KCNT2: variants seen among roughly 807,000 people sequenced by gnomAD.
KCNT2 encodes the protein potassium sodium-activated channel subfamily T member 2.
Under a neutral mutation model 153.8 loss-of-function variants are expected in KCNT2, and 67 were observed. That is an observed-to-expected ratio of 0.44 (90% confidence interval 0.36 to 0.53). KCNT2 has a LOEUF of 0.53. KCNT2 is among the 20% of genes least tolerant of loss of function. The probability of loss-of-function intolerance (pLI) is 0.00; values close to 1 mark genes in which losing one functional copy is unlikely to be tolerated. For missense variants in KCNT2, 975 were observed against 1,354.8 expected, an observed-to-expected ratio of 0.72 and a Z score of 4.40; for synonymous variants, 500 against 458.8, an observed-to-expected ratio of 1.09 and a Z score of -1.15.
At chr1:196,248,022 A>G (rs1446344752) in intron 26 of KCNT2, among the ~76,000 whole-genome samples, 1 of 152,208 alleles carries the variant, frequency 6.6e-6, no homozygotes, top group Non-Finnish European at 1.5e-5. Context: ...ACACGTGGAA[A>G]TTAAACAGTA....
chr1:196,575,073 G>C (rs1048180363), intron 1 of KCNT2, among the ~76,000 whole-genome samples: 1 of 152,068 alleles, frequency 6.6e-6, no homozygotes, highest in African/African-American at 2.4e-5. Context: ...TAAAGGGAGA[G>C]TTTTAGAAGT....
chr1:196,597,807 A>G (rs1421885781), intron 1 of KCNT2, among the ~76,000 whole-genome samples: 1 of 152,170 alleles, frequency 6.6e-6, no homozygotes, highest in Non-Finnish European at 1.5e-5. Flanking sequence ...CTATTGCATG[A>G]ATTTCTGTGA....
chr1:196,419,665 AT>A (rs1673039953), intron 12 of KCNT2, among the ~76,000 whole-genome samples: 1 of 152,008 alleles, frequency 6.6e-6, no homozygotes, highest in South Asian at 2.1e-4. Context: ...AGGATACAAA[AT>A]TCTAAGTGAA....
chr1:196,597,573 T>C (rs1558121893), intron 1 of KCNT2, among the ~76,000 whole-genome samples: 1 of 152,152 alleles, frequency 6.6e-6, no homozygotes, highest in African/African-American at 2.4e-5. Context: ...ATAAATTTTC[T>C]TTAAATTTGA....
intron 25 of KCNT2, among the ~76,000 whole-genome samples, chr1:196,279,618 T>C (rs1347554126): frequency 2.0e-5 from 3 of 150,414 alleles, no homozygotes; most frequent in African/African-American, 7.4e-5. Context: ...TTAGTAGAAA[T>C]GGGGTTTCAC....
intron 25 of KCNT2, among the ~76,000 whole-genome samples, chr1:196,264,708 C>G (rs543232045): frequency 3.3e-4 from 50 of 152,258 alleles, no homozygotes; most frequent in Non-Finnish European, 5.7e-4. Context: ...TCTCTGCTCA[C>G]TGCAACCTCC....
intron 22 of KCNT2, among the ~76,000 whole-genome samples, chr1:196,302,103 T>C (rs1230860802): frequency 2.0e-5 from 3 of 152,152 alleles, no homozygotes; most frequent in Non-Finnish European, 4.4e-5. Context: ...TGCAAGGGCA[T>C]CTACTTATAG....
At chr1:196,370,084 G>A (rs1410368654) in intron 14 of KCNT2, among the ~76,000 whole-genome samples, 1 of 152,068 alleles carries the variant, frequency 6.6e-6, no homozygotes. Flanking sequence ...GTGCTGGAGA[G>A]GATGTGGAGA....
intron 14 of KCNT2, among the ~76,000 whole-genome samples, chr1:196,345,426 C>G (rs958593790): frequency 1.3e-5 from 2 of 152,034 alleles, no homozygotes; most frequent in Non-Finnish European, 1.5e-5. Context: ...TAAGGAAGAG[C>G]AGGGAAGCCA....
At chr1:196,374,391 G>A (rs1484504683) in intron 13 of KCNT2, among the ~76,000 whole-genome samples, 33 of 151,738 alleles carry the variant, frequency 2.2e-4, no homozygotes, top group Admixed American at 2.2e-3. Flanking sequence ...TTTAGTACAT[G>A]AGATAGCATA....
intron 14 of KCNT2, among the ~76,000 whole-genome samples, chr1:196,343,899 C>T (rs1248888757): frequency 6.6e-6 from 1 of 152,118 alleles, no homozygotes; most frequent in African/African-American, 2.4e-5. Flanking sequence ...CCTGTCTAAC[C>T]TTCCCGAGTA....
intron 14 of KCNT2, among the ~76,000 whole-genome samples, chr1:196,368,738 G>C (rs1263535966): frequency 6.6e-6 from 1 of 151,960 alleles, no homozygotes; most frequent in Non-Finnish European, 1.5e-5. Context: ...TAAATTCCTA[G>C]AAAATAGTCT....
Position 196,280,975 on chromosome 1 carries a change from G to T in KCNT2, c.2795C>A (p.Ala932Glu). ...ATAAGTTCTGATCCATAAGTCATCT[G>T]CAGTGATTTTCATCTATAACACACA... ...SGFLCSMKIT[A>E]DDLWIRTYAR... The change falls in exon 25 of 28, where the codon GCA becomes GAA. Residue 932 changes from alanine (A) to glutamate (E), a missense_variant. By Grantham distance (107) the Ala-to-Glu change is moderately radical. Coordinates refer to ENST00000294725, the MANE Select transcript of KCNT2 (RefSeq NM_198503.5). 1 of 1,610,318 alleles carries T rather than the reference G, an allele frequency of 6.2e-7. No homozygotes were observed. Among genetic ancestry groups the T allele is most frequent in the African/African-American group, 1.3e-5 (1 of 74,956 alleles).
In KCNT2 at chr1:196,374,362, C is replaced by T. The variant is rs950925226; in HGVS notation, c.1295-1114G>A. On this transcript the variant is annotated intron_variant, in intron 13 of 27. Coordinates refer to ENST00000294725, the MANE Select transcript of KCNT2 (RefSeq NM_198503.5). Reference sequence around the variant, plus strand: ...TGGACAAACATTGACTTTCGTTCTGCCCTGTTTTTATAATATGATTTAGTA... The same window carrying T: ...TGGACAAACATTGACTTTCGTTCTGTCCTGTTTTTATAATATGATTTAGTA... 3.3e-5 allele frequency among the ~76,000 whole-genome samples: 5 copies of T among 151,706 alleles called. 1 individual carries two copies. Among genetic ancestry groups the T allele is most frequent in the Admixed American group, 2.6e-4 (4 of 15,182 alleles).
chr1:196,554,602 A>G (rs1404258802), intron 1 of KCNT2, among the ~76,000 whole-genome samples: 1 of 151,368 alleles, frequency 6.6e-6, no homozygotes, highest in Non-Finnish European at 1.5e-5. Context: ...CTGCCCTGAA[A>G]AGTAGAGAGA....
At chr1:196,407,536 T>C (rs73067657) in intron 12 of KCNT2, among the ~76,000 whole-genome samples, 6,878 of 151,512 alleles carry the variant, frequency 0.045, 523 homozygotes, top group African/African-American at 0.16. Context: ...CCCAAAAGAA[T>C]CTAAGGTACA....
intron 1 of KCNT2, among the ~76,000 whole-genome samples, chr1:196,538,901 T>C (rs1023387289): frequency 2.0e-5 from 3 of 152,232 alleles, no homozygotes; most frequent in African/African-American, 7.2e-5. Flanking sequence ...AACTTTGAAA[T>C]GTGCTAAGAA....
rs184343245 is a variant in KCNT2, at chr1:196,279,422, T to A, written c.2910+1438A>T. Among the ~76,000 whole-genome samples the A allele has an allele frequency of 1.2e-3, 184 of 147,296 alleles. No homozygotes were observed. The East Asian group carries it at 0.014, about 11-fold the overall frequency. ...ACGGCAGCAAAACTCCATTAAAAAA[T>A]TTTTTTTTATTATTATTTGAGACAG... On this transcript the variant is annotated intron_variant, in intron 25 of 27. Coordinates refer to ENST00000294725, the MANE Select transcript of KCNT2 (RefSeq NM_198503.5).
chr1:196,312,241 G>A (rs1016946588), intron 21 of KCNT2, among the ~76,000 whole-genome samples: 7 of 151,318 alleles, frequency 4.6e-5, no homozygotes, highest in South Asian at 2.1e-4. Flanking sequence ...GTAGGGAGGC[G>A]AACAGCCAAT....
Sources: gnomAD v4.1 joint callset for allele counts (sites outside exome capture counted in the v4.1 genomes callset) on GRCh38, gnomAD v4.1.1 for gene constraint, MANE v1.5 for transcripts, NCBI Gene and HGNC (gene_info 2026-07-23, HGNC 2026-07-21) for gene names.